PAAF1: variants seen among roughly 807,000 people sequenced by gnomAD.
PAAF1 encodes proteasomal ATPase associated factor 1, also known as proteasomal ATPase-associated factor 1.
A neutral mutation model predicts 52.8 loss-of-function variants in PAAF1; 46 were observed. The ratio of observed to expected loss-of-function variants is 0.87; its 90% CI spans 0.69 to 1.11. The LOEUF (loss-of-function observed/expected upper bound fraction) is 1.11, where lower values mean the gene tolerates loss of function less well. Ranked by LOEUF, PAAF1 falls within the 50% of genes most tolerant of loss-of-function variation. The probability of loss-of-function intolerance (pLI) is 0.00; values close to 1 mark genes in which losing one functional copy is unlikely to be tolerated. For missense variants in PAAF1, 424 were observed against 477.4 expected (o/e 0.89, Z 1.04); for synonymous variants, 178 against 172.8 (o/e 1.03, Z -0.24).
At position 73,909,756 on chromosome 11, in the gene PAAF1, C is replaced by T. The variant is rs150212844; in HGVS notation, c.727+163C>T. ...CTCTGTACCTACTATGTTTCTATTA[C>T]TTTGGAATCTACAAAGGAAGTATAT... On this transcript the variant is annotated intron_variant, in intron 7 of 11. Coordinates refer to ENST00000310571, the MANE Select transcript of PAAF1 (RefSeq NM_025155.3). Among the ~76,000 whole-genome samples the T allele has an allele frequency of 5.1e-3, 769 of 152,198 alleles. 5 individuals carry two copies. Among genetic ancestry groups the T allele is most frequent in the Non-Finnish European group, 7.9e-3 (540 of 68,010 alleles).
intron 6 of PAAF1, among the ~76,000 whole-genome samples, chr11:73,902,146 G>A (rs1949638263): frequency 6.6e-6 from 1 of 152,178 alleles, no homozygotes; most frequent in Non-Finnish European, 1.5e-5. Context: ...ACAGGTATGA[G>A]CCACTGCGCC....
intron 4 of PAAF1, among the ~76,000 whole-genome samples, chr11:73,894,090 A>G (rs929380063): frequency 6.6e-6 from 1 of 152,198 alleles, no homozygotes; most frequent in African/African-American, 2.4e-5. Context: ...GGTATAAGCC[A>G]CTGTGCCTGG....
At chr11:73,909,344 C>T (rs550748404) in intron 6 of PAAF1, 55 bp from the exon 7 acceptor site, 12 of 1,528,334 alleles carry the variant, frequency 7.9e-6, no homozygotes, top group Middle Eastern at 1.7e-4. Flanking sequence ...TCTTCTCTGC[C>T]CTTGTAGTTC....
chr11:73,892,789 G>T (rs1439432011), intron 4 of PAAF1, among the ~76,000 whole-genome samples: 1 of 152,092 alleles, frequency 6.6e-6, no homozygotes, highest in Non-Finnish European at 1.5e-5. Context: ...CTCCCGAATA[G>T]CTGGGATTAC....
chr11:73,918,295 A>G (rs1255864682), intron 9 of PAAF1, among the ~76,000 whole-genome samples: 8 of 151,680 alleles, frequency 5.3e-5, no homozygotes, highest in Non-Finnish European at 1.5e-5. Context: ...AGTAGGGAAT[A>G]AATTCCAGTA....
chr11:73,885,696 G>A (rs1949041251), intron 2 of PAAF1, among the ~76,000 whole-genome samples: 1 of 151,716 alleles, frequency 6.6e-6, no homozygotes, highest in South Asian at 2.1e-4. Context: ...ACAAAAATTA[G>A]CCAGGTGTGG....
chr11:73,920,851 C>CA (rs1267625110), intron 10 of PAAF1, among the ~76,000 whole-genome samples: 3,971 of 98,382 alleles, frequency 0.04, 65 homozygotes, highest in Middle Eastern at 0.067. Context: ...GACTCTGTCT[C>CA]AAAAAAAAAA....
intron 2 of PAAF1, among the ~76,000 whole-genome samples, chr11:73,886,208 T>G (rs956694283): frequency 2.0e-5 from 3 of 152,212 alleles, no homozygotes; most frequent in African/African-American, 7.2e-5. Flanking sequence ...TTACTATGTA[T>G]TATGTGTATA....
At position 73,918,485 on chromosome 11, in the gene PAAF1, AT is replaced by A. The variant is rs555343944; in HGVS notation, c.936-456del. ...AGCTTTCTCTTTCTTTTTTTTTTTT[AT>A]TTTTTTTTGAGATGGAGTCTTGCTC... is the stretch of plus-strand genomic sequence containing the variant. On this transcript the variant is annotated intron_variant, in intron 9 of 11. Transcript: ENST00000310571. Among the ~76,000 whole-genome samples the A allele has an allele frequency of 7.2e-3, 784 of 108,202 alleles. 7 individuals are homozygous for A. Among genetic ancestry groups the A allele is most frequent in the African/African-American group, 0.025 (707 of 28,540 alleles). 71.0% of individuals were successfully genotyped at this position (108,202 alleles called of 152,430 possible).
rs974981492 is a variant in PAAF1, at chr11:73,928,639, T to G, written c.*1277T>G. The G allele has an allele frequency of 6.6e-6, 1 of 152,232 alleles. No individual in the cohort carries two copies. The highest frequency in any genetic ancestry group is 1.5e-5 in the Non-Finnish European group (1 of 68,040). 9.4% of individuals were successfully genotyped at this position (152,232 alleles called of 1,614,324 possible). A position where few individuals can be genotyped will look rare whatever the true frequency, so the allele number is the denominator to read the frequency against. ...AAAGTTTCTTGAAAGATGTAACACT[T>G]GAGCTGGGACATGCAGATTAAGATT... On this transcript the variant is annotated 3_prime_UTR_variant, in exon 12 of 12. Coordinates refer to ENST00000310571, the MANE Select transcript of PAAF1 (RefSeq NM_025155.3).
chr11:73,899,221 C>G lies in PAAF1; in HGVS notation c.358C>G (p.Gln120Glu). 6.2e-7 allele frequency: 1 copy of G among 1,613,912 alleles called. No homozygotes were observed. The highest frequency in any genetic ancestry group is 8.5e-7 in the Non-Finnish European group (1 of 1,179,894). The change falls in exon 5 of 12, where the codon CAG becomes GAG. Residue 120 changes from glutamine (Q) to glutamate (E), a missense_variant. By Grantham distance (29) the Gln-to-Glu change is conservative. Transcript: ENST00000310571. ...TACTGACGGGACCATGAAAATCTGG[C>G]AGGCTTCCAATGGAGAACTCAGGGT... ...SSTDGTMKIW[Q>E]ASNGELRRVL... is the part of the protein sequence containing the mutation.
rs1164767286 is a variant in PAAF1, at chr11:73,923,691, A to G, written c.1019-924A>G. On this transcript the variant is annotated intron_variant, in intron 10 of 11. Coordinates refer to ENST00000310571, the MANE Select transcript of PAAF1 (RefSeq NM_025155.3). ...TCTGGGATTACAGGCATGCACTACC[A>G]TGCTCGGCTAATTTTTTTTGTATTT... is the stretch of plus-strand genomic sequence containing the variant. 7.9e-5 allele frequency among the ~76,000 whole-genome samples: 12 copies of G among 152,266 alleles called. No homozygotes were observed. In the East Asian group the frequency reaches 2.3e-3, roughly 29 times the overall value.
rs899282815 is a variant in PAAF1, at chr11:73,908,880, C to T, written c.533-519C>T. 2.0e-5 allele frequency among the ~76,000 whole-genome samples: 3 copies of T among 151,972 alleles called. No individual in the cohort carries two copies. In the East Asian group the frequency reaches 5.8e-4, roughly 29 times the overall value. On this transcript the variant is annotated intron_variant, in intron 6 of 11. Coordinates refer to ENST00000310571, the MANE Select transcript of PAAF1 (RefSeq NM_025155.3). ...CTCGGGTCACTGCAACCTACGCCTC[C>T]CAGGTTCGAGCGATTCTCCTGCCTC... is the stretch of plus-strand genomic sequence containing the variant.
chr11:73,912,901 T>C (rs184102472), intron 7 of PAAF1, among the ~76,000 whole-genome samples: 2 of 152,280 alleles, frequency 1.3e-5, no homozygotes, highest in Non-Finnish European at 2.9e-5. Context: ...TAAATTGAGA[T>C]GGAGTTTCCC....
chr11:73,912,113 C>G (rs193257253), intron 7 of PAAF1, among the ~76,000 whole-genome samples: 1 of 152,234 alleles, frequency 6.6e-6, no homozygotes, highest in East Asian at 1.9e-4. Context: ...TAAAGGTCTC[C>G]TTTTATGAAA....
intron 2 of PAAF1, 59 bp downstream of exon 2, chr11:73,878,878 A>G: frequency 1.3e-6 from 2 of 1,521,326 alleles, no homozygotes; most frequent in South Asian, 1.2e-5. Flanking sequence ...ATACCCTTAA[A>G]AGAAAGCTTC....
At position 73,927,405 on chromosome 11, in the gene PAAF1, C is replaced by T. The variant is rs1950393294; in HGVS notation, c.*43C>T. The T allele has an allele frequency of 2.0e-6, 3 of 1,497,246 alleles. No homozygotes were observed. Among genetic ancestry groups the T allele is most frequent in the Non-Finnish European group, 2.8e-6 (3 of 1,075,550 alleles). 92.7% of individuals were successfully genotyped at this position (1,497,246 alleles called of 1,614,324 possible). ...TCCCGGTTAGTGAAAAGGTTTGACC[C>T]TGATCAACAATGAGCAGAAACATCA... On this transcript the variant is annotated 3_prime_UTR_variant, in exon 12 of 12. Coordinates refer to ENST00000310571, the MANE Select transcript of PAAF1 (RefSeq NM_025155.3).
intron 7 of PAAF1, 122 bp downstream of exon 7, chr11:73,909,715 A>G: frequency 1.2e-6 from 1 of 836,484 alleles, no homozygotes; most frequent in South Asian, 1.8e-5. Context: ...TGTTTTCACC[A>G]TACGATTAAT....
intron 7 of PAAF1, among the ~76,000 whole-genome samples, chr11:73,910,081 T>A (rs1484486125): frequency 2.0e-5 from 3 of 152,216 alleles, no homozygotes; most frequent in Non-Finnish European, 4.4e-5. Context: ...TAATTAGTGA[T>A]TCTTTTTATT....
Sources: gnomAD v4.1 joint callset for allele counts (sites outside exome capture counted in the v4.1 genomes callset) on GRCh38, gnomAD v4.1.1 for gene constraint, MANE v1.5 for transcripts, NCBI Gene and HGNC (gene_info 2026-07-23, HGNC 2026-07-21) for gene names.